MEIS1: variants seen among roughly 807,000 people sequenced by gnomAD.
MEIS1 encodes the protein Meis homeobox 1.
MEIS1 carries 5 observed loss-of-function variants against 50.8 expected under a neutral mutation model. The ratio of observed to expected loss-of-function variants is 0.10; its 90% confidence interval spans 0.05 to 0.21. The LOEUF (loss-of-function observed/expected upper bound fraction) is 0.21. Ranked by LOEUF, MEIS1 falls within the 10% of genes least tolerant of loss-of-function variation. The pLI is 1.00. For missense variants in MEIS1, 318 were observed against 517.3 expected (o/e 0.61, Z 3.74); for synonymous variants, 176 against 179.3 (o/e 0.98, Z 0.15).
Position 66,441,335 on chromosome 2 carries a change from G to A in MEIS1, c.433-79G>A, listed in dbSNP as rs530476176. On this transcript the variant is annotated intron_variant, in intron 4 of 12. Coordinates refer to ENST00000272369, the MANE Select transcript of MEIS1 (RefSeq NM_002398.3). ...CTCTATTTACTGGTGGGAGGGGGTG[G>A]GCTGGAGATGGTAGAGCTGTGGCAG... 14 of 1,256,484 alleles carry A rather than the reference G, an allele frequency of 1.1e-5. No individual in the cohort carries two copies. In the South Asian group the frequency reaches 2.0e-4, roughly 18 times the overall value. 77.8% of individuals were successfully genotyped at this position (1,256,484 alleles called of 1,614,324 possible).
chr2:66,503,382 C>T (rs779257832), intron 7 of MEIS1, among the ~76,000 whole-genome samples: 1 of 152,132 alleles, frequency 6.6e-6, no homozygotes, highest in Non-Finnish European at 1.5e-5. Flanking sequence ...CTGGAATGCT[C>T]GCCTCTGCCC....
In MEIS1 at chr2:66,517,458, G is replaced by T. The variant is rs1673998034; in HGVS notation, c.888+5164G>T. ...TGTCCATGTACCCTATCAAAAATTA[G>T]CTCTTTTACATACATAAGAAGAATA... is the stretch of plus-strand genomic sequence containing the variant. On this transcript the variant is annotated intron_variant, in intron 8 of 12. Transcript: ENST00000272369. Among the ~76,000 whole-genome samples, 5 of 152,152 alleles carry T rather than the reference G, an allele frequency of 3.3e-5. No individual in the cohort carries two copies. The South Asian group carries it at 1.0e-3, about 32-fold the overall frequency.
At chr2:66,457,924 G>C (rs928056211) in intron 6 of MEIS1, among the ~76,000 whole-genome samples, 1 of 152,168 alleles carries the variant, frequency 6.6e-6, no homozygotes, top group Non-Finnish European at 1.5e-5. Context: ...AGCTCTTTCA[G>C]GCCACTAGAG....
intron 6 of MEIS1, chr2:66,462,036 G>C (rs1176468638): frequency 5.9e-6 from 2 of 341,688 alleles, no homozygotes; most frequent in Non-Finnish European, 1.2e-5. Context: ...GTAGAAAAGT[G>C]GGGGAGGGAG....
chr2:66,481,166 A>T (rs554484960), intron 7 of MEIS1, among the ~76,000 whole-genome samples: 87 of 152,218 alleles, frequency 5.7e-4, no homozygotes, highest in Admixed American at 3.5e-3. Flanking sequence ...TTTTGGCTGC[A>T]TGAGCAGGGA....
At chr2:66,490,784 T>C (rs951005684) in intron 7 of MEIS1, among the ~76,000 whole-genome samples, 3 of 152,166 alleles carry the variant, frequency 2.0e-5, no homozygotes, top group Non-Finnish European at 2.9e-5. Context: ...CCCCACACTT[T>C]GTTTTTATAG....
chr2:66,512,432 G>A, intron 8 of MEIS1, 138 bp downstream of exon 8: 1 of 919,738 alleles, frequency 1.1e-6, no homozygotes, highest in Non-Finnish European at 1.5e-6. Flanking sequence ...TTTTGCAAAA[G>A]TATTAGCACT....
chr2:66,561,076 A>G (rs1675202025), intron 9 of MEIS1, among the ~76,000 whole-genome samples: 1 of 152,232 alleles, frequency 6.6e-6, no homozygotes. Flanking sequence ...TGGATCATTA[A>G]ATCCAATATG....
intron 8 of MEIS1, among the ~76,000 whole-genome samples, chr2:66,547,098 A>T (rs945589744): frequency 6.6e-6 from 1 of 152,204 alleles, no homozygotes; most frequent in African/African-American, 2.4e-5. Flanking sequence ...CCATATCCTC[A>T]GCTCCTCCCC....
intron 2 of MEIS1, chr2:66,439,102 T>G (rs975940293): frequency 7.4e-5 from 12 of 163,084 alleles, no homozygotes; most frequent in African/African-American, 2.9e-4. Context: ...TTTTTCTTTT[T>G]TATGGGCTGA....
intron 9 of MEIS1, among the ~76,000 whole-genome samples, chr2:66,552,028 G>GCC (rs1674933455): frequency 6.8e-6 from 1 of 147,198 alleles, no homozygotes; most frequent in African/African-American, 2.5e-5. Flanking sequence ...CTTTATGGAA[G>GCC]ACACACACAC....
chr2:66,463,034 C>T (rs889324683), intron 6 of MEIS1, among the ~76,000 whole-genome samples: 7 of 151,848 alleles, frequency 4.6e-5, no homozygotes, highest in African/African-American at 1.5e-4. Flanking sequence ...CTCCTCAGCC[C>T]TTCTTATCTT....
At chr2:66,532,773 A>G (rs1305784321) in intron 8 of MEIS1, among the ~76,000 whole-genome samples, 2 of 152,224 alleles carry the variant, frequency 1.3e-5, no homozygotes, top group African/African-American at 4.8e-5. Flanking sequence ...TGGTGTTGCC[A>G]TCTTAGCAGG....
At chr2:66,526,978 AT>A (rs1261000585) in intron 8 of MEIS1, among the ~76,000 whole-genome samples, 1 of 152,156 alleles carries the variant, frequency 6.6e-6, no homozygotes, top group African/African-American at 2.4e-5. Context: ...AGATGTTCAT[AT>A]TGGACCAGAC....
At chr2:66,549,793 G>A (rs2103934975) in intron 9 of MEIS1, among the ~76,000 whole-genome samples, 1 of 152,212 alleles carries the variant, frequency 6.6e-6, no homozygotes, top group African/African-American at 2.4e-5. Context: ...CCTCTGCAGG[G>A]TTGCTAGCAA....
intron 6 of MEIS1, among the ~76,000 whole-genome samples, chr2:66,460,065 A>G (rs1235532614): frequency 6.6e-6 from 1 of 152,186 alleles, no homozygotes; most frequent in Non-Finnish European, 1.5e-5. Context: ...ATTGAAAAAG[A>G]GTGAATGGTA....
chr2:66,483,216 ATTTTTTTTTTTTTGTCT>A (rs763908650), intron 7 of MEIS1, among the ~76,000 whole-genome samples: 10 of 121,192 alleles, frequency 8.3e-5, no homozygotes, highest in African/African-American at 2.8e-4. Context: ...AGTTATGCTT[ATTTTTTTTTTTTTGTCT>A]TTTTTTTTTT....
At chr2:66,481,850 CTTTTTTT>C (rs996753363) in intron 7 of MEIS1, among the ~76,000 whole-genome samples, 20 of 90,180 alleles carry the variant, frequency 2.2e-4, no homozygotes, top group East Asian at 6.3e-4. Flanking sequence ...TCTGATATTT[CTTTTTTT>C]TTTTTTTTTT....
At position 66,480,465 on chromosome 2, in the gene MEIS1, A is replaced by G. The variant is rs116474890; in HGVS notation, c.742+16245A>G. On this transcript the variant is annotated intron_variant, in intron 7 of 12. Coordinates refer to ENST00000272369, the MANE Select transcript of MEIS1 (RefSeq NM_002398.3). ...AGGAGATTTAGCACACTGGGATATTATGTGATTTATCCAATGAAGGTACAG... is the reference window on the plus strand; with the variant it reads ...AGGAGATTTAGCACACTGGGATATTGTGTGATTTATCCAATGAAGGTACAG... Among the ~76,000 whole-genome samples the G allele has an allele frequency of 7.8e-3, 1,183 of 152,312 alleles. 11 individuals carry two copies. The highest frequency in any genetic ancestry group is 0.027 in the African/African-American group (1,112 of 41,568).
Sources: allele counts gnomAD v4.1 joint callset (sites outside exome capture counted in the v4.1 genomes callset), GRCh38; gene constraint gnomAD v4.1.1; transcripts MANE v1.5; gene names NCBI Gene and HGNC (gene_info 2026-07-23, HGNC 2026-07-21).